The following SLC9A9 variants were observed in gnomAD, a reference collection of about 807,000 sequenced individuals.
The protein encoded by SLC9A9 is sodium/hydrogen exchanger 9.
Under a neutral mutation model 77.8 loss-of-function variants are expected in SLC9A9, and 62 were observed. That is an observed-to-expected ratio of 0.80 (90% CI 0.65 to 0.98). SLC9A9 has a LOEUF of 0.98. SLC9A9 is among the 50% of genes least tolerant of loss of function. The probability of loss-of-function intolerance (pLI) is 0.00; values close to 1 mark genes in which losing one functional copy is unlikely to be tolerated. For missense variants in SLC9A9, 775 were observed against 774.9 expected, an observed-to-expected ratio of 1.00 and a Z score of 0.00; for synonymous variants, 320 against 283.5, an observed-to-expected ratio of 1.13 and a Z score of -1.29.
At chr3:143,389,070 A>G (rs1180682703) in intron 12 of SLC9A9, among the ~76,000 whole-genome samples, 2 of 152,222 alleles carry the variant, frequency 1.3e-5, no homozygotes, top group African/African-American at 4.8e-5. Flanking sequence ...AGAGGTGGAC[A>G]GAGTTGCTTT....
Position 143,328,414 on chromosome 3 carries a change from G to A in SLC9A9, c.1604+35070C>T, listed in dbSNP as rs142400370. On this transcript the variant is annotated intron_variant, in intron 14 of 15. Transcript: ENST00000316549. Reference sequence around the variant, plus strand: ...AAAGATTGTTTTACTGAACTACTGTGAATAGCCTGAAAACACAGCAACAGT... The same window carrying A: ...AAAGATTGTTTTACTGAACTACTGTAAATAGCCTGAAAACACAGCAACAGT... Among the ~76,000 whole-genome samples the A allele has an allele frequency of 4.4e-3, 672 of 152,306 alleles. 1 individual carries two copies. The highest frequency in any genetic ancestry group is 7.1e-3 in the Non-Finnish European group (483 of 68,032).
chr3:143,573,401 T>C (rs1443755648), intron 8 of SLC9A9, among the ~76,000 whole-genome samples: 2 of 152,120 alleles, frequency 1.3e-5, no homozygotes, highest in East Asian at 3.9e-4. Flanking sequence ...TTCTTCTGCA[T>C]GGAAAAGCAC....
At chr3:143,747,498 C>A (rs563672496) in intron 4 of SLC9A9, among the ~76,000 whole-genome samples, 24 of 151,996 alleles carry the variant, frequency 1.6e-4, no homozygotes, top group African/African-American at 5.8e-4. Flanking sequence ...TCAGGTGGAC[C>A]CTAAATGCAA....
intron 14 of SLC9A9, among the ~76,000 whole-genome samples, chr3:143,320,547 C>G (rs774168385): frequency 6.6e-6 from 1 of 152,090 alleles, no homozygotes; most frequent in Non-Finnish European, 1.5e-5. Flanking sequence ...GGAACAGGCA[C>G]AGCACATGGT....
At chr3:143,704,697 A>T (rs1406087715) in intron 4 of SLC9A9, among the ~76,000 whole-genome samples, 1 of 151,742 alleles carries the variant, frequency 6.6e-6, no homozygotes, top group African/African-American at 2.4e-5. Context: ...AGACAAATGG[A>T]TTAAAAAAAA....
chr3:143,707,865 G>A (rs1934027934), intron 4 of SLC9A9, among the ~76,000 whole-genome samples: 1 of 152,126 alleles, frequency 6.6e-6, no homozygotes, highest in African/African-American at 2.4e-5. Context: ...AGGACCCTGA[G>A]ACATTTAGAA....
intron 12 of SLC9A9, among the ~76,000 whole-genome samples, chr3:143,432,568 C>A (rs756575086): frequency 1.1e-4 from 17 of 152,074 alleles, no homozygotes; most frequent in Non-Finnish European, 2.5e-4. Context: ...AAGCAGGCTG[C>A]CCTGGAATCA....
chr3:143,706,943 G>T (rs1933998270), intron 4 of SLC9A9, among the ~76,000 whole-genome samples: 1 of 152,164 alleles, frequency 6.6e-6, no homozygotes, highest in Non-Finnish European at 1.5e-5. Flanking sequence ...GGGGAAAGCT[G>T]CCTCCAATTT....
chr3:143,790,127 G>T lies in SLC9A9; in HGVS notation c.533+4874C>A, dbSNP rs562659911. Among the ~76,000 whole-genome samples, 26 of 152,216 alleles carry T rather than the reference G, an allele frequency of 1.7e-4. No homozygotes were observed. The South Asian group carries it at 5.4e-3, about 32-fold the overall frequency. On this transcript the variant is annotated intron_variant, in intron 4 of 15. Transcript: ENST00000316549. ...ATTAGATCTGATAGTTTTATAAGGG[G>T]CTCTTCCCTGCTTCGCTCTCATTCT...
At chr3:143,351,966 T>C (rs967957139) in intron 14 of SLC9A9, among the ~76,000 whole-genome samples, 1 of 151,978 alleles carries the variant, frequency 6.6e-6, no homozygotes, top group Non-Finnish European at 1.5e-5. Context: ...AGTTGGCCAA[T>C]CCAGTTAAAT....
At chr3:143,451,653 T>C (rs374904413) in intron 12 of SLC9A9, among the ~76,000 whole-genome samples, 4 of 152,012 alleles carry the variant, frequency 2.6e-5, no homozygotes, top group South Asian at 2.1e-4. Context: ...AAAGGGGAAG[T>C]TCCCCCTGCT....
intron 13 of SLC9A9, among the ~76,000 whole-genome samples, chr3:143,377,962 C>T (rs2033218784): frequency 6.6e-6 from 1 of 152,234 alleles, no homozygotes; most frequent in Non-Finnish European, 1.5e-5. Flanking sequence ...TCCATACTTG[C>T]TGTAGCCTCT....
chr3:143,631,072 G>T (rs1237126497), intron 6 of SLC9A9, among the ~76,000 whole-genome samples: 2 of 152,058 alleles, frequency 1.3e-5, no homozygotes, highest in Non-Finnish European at 2.9e-5. Context: ...CTTAAATAGA[G>T]CTCTCTGCAA....
intron 6 of SLC9A9, among the ~76,000 whole-genome samples, chr3:143,589,450 T>G (rs138147049): frequency 0.011 from 1,686 of 152,318 alleles, 21 homozygotes; most frequent in Non-Finnish European, 0.018. Flanking sequence ...TTTTTTAATG[T>G]CTCTTCTCTA....
Position 143,750,752 on chromosome 3 carries a change from T to C in SLC9A9, c.533+44249A>G, listed in dbSNP as rs1476065101. On this transcript the variant is annotated intron_variant, in intron 4 of 15. Coordinates refer to ENST00000316549, the MANE Select transcript of SLC9A9 (RefSeq NM_173653.4). The stretch of plus-strand genomic sequence containing the variant: ...ATATATCTATATATATATATATACA[T>C]ATATAATTATATATCTTATATATTT... Among the ~76,000 whole-genome samples the C allele has an allele frequency of 2.0e-5, 3 of 148,334 alleles. No homozygotes were observed. In the Admixed American group the frequency reaches 2.0e-4, roughly 10 times the overall value.
chr3:143,269,004 T>C, intron 14 of SLC9A9, 24 bp from the exon 15 acceptor site: 1 of 1,522,756 alleles, frequency 6.6e-7, no homozygotes, highest in East Asian at 2.3e-5. Flanking sequence ...TAAGGAATAC[T>C]TGTCAACAGG....
intron 8 of SLC9A9, among the ~76,000 whole-genome samples, 199 bp downstream of exon 8, chr3:143,573,889 C>CT (rs2108658007): frequency 6.6e-6 from 1 of 152,314 alleles, no homozygotes; most frequent in South Asian, 2.1e-4. Context: ...TTCCATTAAG[C>CT]TGTTTGGTAC....
Position 143,712,492 on chromosome 3 carries a change from C to G in SLC9A9, c.534-19185G>C, listed in dbSNP as rs1326228288. 2.0e-5 allele frequency among the ~76,000 whole-genome samples: 3 copies of G among 152,270 alleles called. No individual in the cohort carries two copies. In the East Asian group the frequency reaches 5.8e-4, roughly 29 times the overall value. ...ATAACGAGCAATCTACCGGGGGTAACAGAGAAGTAAACAAACTATTACAAT... is the reference window on the plus strand; with the variant it reads ...ATAACGAGCAATCTACCGGGGGTAAGAGAGAAGTAAACAAACTATTACAAT... On this transcript the variant is annotated intron_variant, in intron 4 of 15. Transcript: ENST00000316549.
chr3:143,502,063 A>G (rs2035932000), intron 9 of SLC9A9, among the ~76,000 whole-genome samples: 1 of 151,084 alleles, frequency 6.6e-6, no homozygotes, highest in African/African-American at 2.5e-5. Flanking sequence ...ACACATTTCA[A>G]ACTAGTCAAT....
Sources: gnomAD v4.1 joint callset for allele counts (sites outside exome capture counted in the v4.1 genomes callset) on GRCh38, gnomAD v4.1.1 for gene constraint, MANE v1.5 for transcripts, NCBI Gene and HGNC (gene_info 2026-07-23, HGNC 2026-07-21) for gene names.